Variants in FAT2 observed in about 807,000 individuals in gnomAD.
The protein encoded by FAT2 is protocadherin Fat 2.
Under a neutral mutation model 295.3 loss-of-function variants are expected in FAT2, and 150 were observed. The ratio of observed to expected loss-of-function variants is 0.51; its 90% CI spans 0.44 to 0.58. The LOEUF (loss-of-function observed/expected upper bound fraction) is 0.58, where lower values mean the gene tolerates loss of function less well. Ranked by LOEUF, FAT2 falls within the 20% of genes least tolerant of loss-of-function variation. The pLI, the probability that FAT2 is intolerant of heterozygous loss-of-function variation, is 0.00. For synonymous variants in FAT2, 2,026 were observed against 2,150.3 expected, an observed-to-expected ratio of 0.94 and a Z score of 1.60; for missense variants, 4,868 against 5,442.7, an observed-to-expected ratio of 0.89 and a Z score of 3.32.
At chr5:151,580,115 A>C (rs1758887455) in intron 1 of FAT2, among the ~76,000 whole-genome samples, 1 of 152,226 alleles carries the variant, frequency 6.6e-6, no homozygotes, top group African/African-American at 2.4e-5. Flanking sequence ...TTGGTGGCAG[A>C]ATTGGAACCA....
chr5:151,538,938 G>A (rs1040439379), intron 11 of FAT2, among the ~76,000 whole-genome samples: 11 of 151,790 alleles, frequency 7.2e-5, no homozygotes, highest in Middle Eastern at 3.4e-3. Context: ...CGCCTGCCTC[G>A]GCCTCCCAAA....
At position 151,568,653 on chromosome 5, in the gene FAT2, G is replaced by A; in HGVS notation, c.279C>T (p.Cys93=). Reference sequence around the variant, plus strand: ...TGCTCTTTGTCCTTATTCTTAGGAAGCAGAAGTTGCCCACCACATACTCCT... The same window carrying A: ...TGCTCTTTGTCCTTATTCTTAGGAAACAGAAGTTGCCCACCACATACTCCT... ...KTEEYVVGNF[C]FLRIRTKSSN... is the part of the protein sequence containing the mutation. Residue 93 remains cysteine (C), a synonymous_variant, in exon 2 of 24, where the codon TGC becomes TGT. Coordinates refer to ENST00000261800, the MANE Select transcript of FAT2 (RefSeq NM_001447.3). The A allele has an allele frequency of 6.2e-7, 1 of 1,614,162 alleles. No individual in the cohort carries two copies. Among genetic ancestry groups the A allele is most frequent in the African/African-American group, 1.3e-5 (1 of 75,038 alleles).
intron 1 of FAT2, among the ~76,000 whole-genome samples, chr5:151,583,955 A>T (rs1347157173): frequency 7.7e-6 from 1 of 129,610 alleles, no homozygotes; most frequent in Non-Finnish European, 1.6e-5. Context: ...CTGAGATTGC[A>T]CCACTGCACT....
upstream of FAT2, among the ~76,000 whole-genome samples, chr5:151,591,680 C>T (rs1759417439): frequency 6.6e-6 from 1 of 152,188 alleles, no homozygotes; most frequent in African/African-American, 2.4e-5. Flanking sequence ...CTGAGACTGA[C>T]AACCACAGCA....
At chr5:151,565,647 A>ACGC in intron 2 of FAT2, 26 bp downstream of exon 2, 59 of 1,461,008 alleles carry the variant, frequency 4.0e-5, no homozygotes, top group Non-Finnish European at 5.0e-5. Context: ...TGGCCCTGGC[A>ACGC]CCCCACCCTA....
chr5:151,535,626 G>C (rs1361747154), intron 12 of FAT2, among the ~76,000 whole-genome samples: 3 of 152,132 alleles, frequency 2.0e-5, no homozygotes, highest in Admixed American at 2.0e-4. Flanking sequence ...TCTGAGTTCT[G>C]TGAGCTGTCC....
chr5:151,578,704 TGGA>T, intron 1 of FAT2, among the ~76,000 whole-genome samples: 1 of 152,196 alleles, frequency 6.6e-6, no homozygotes, highest in East Asian at 1.9e-4. Context: ...AGCCAAGATA[TGGA>T]ATTACCGTAA....
chr5:151,572,933 A>G (rs1292565734), intron 1 of FAT2, among the ~76,000 whole-genome samples: 2 of 152,264 alleles, frequency 1.3e-5, no homozygotes, highest in Non-Finnish European at 2.9e-5. Context: ...CCTCAGGCCC[A>G]GAAAGAGACC....
intron 12 of FAT2, among the ~76,000 whole-genome samples, chr5:151,535,526 A>G (rs1375676958): frequency 6.6e-6 from 1 of 151,886 alleles, no homozygotes; most frequent in Non-Finnish European, 1.5e-5. Flanking sequence ...AGGACATGGG[A>G]GCCCCTTTCC....
At chr5:151,518,385 G>C (rs1057168597) in intron 19 of FAT2, among the ~76,000 whole-genome samples, 1 of 68,176 alleles carries the variant, frequency 1.5e-5, no homozygotes, top group Non-Finnish European at 3.0e-5. Context: ...ATTTTTAAAA[G>C]AAAGTAAAAA....
At chr5:151,532,059 G>A (rs2127592277) in intron 13 of FAT2, 89 bp from the exon 14 acceptor site, 1 of 1,515,836 alleles carries the variant, frequency 6.6e-7, no homozygotes, top group Non-Finnish European at 8.9e-7. Context: ...GGAGGGGCTG[G>A]GGAGGGGCTC....
chr5:151,593,675 C>A (rs547537624), upstream of FAT2, among the ~76,000 whole-genome samples: 1 of 152,248 alleles, frequency 6.6e-6, no homozygotes, highest in African/African-American at 2.4e-5. Context: ...GTGAGCACAT[C>A]CTGACCAAGC....
At position 151,566,280 on chromosome 5, in the gene FAT2, T is replaced by A; in HGVS notation, c.2652A>T (p.Glu884Asp). The A allele has an allele frequency of 6.2e-7, 1 of 1,614,154 alleles. No individual in the cohort carries two copies. The highest frequency in any genetic ancestry group is 1.3e-5 in the African/African-American group (1 of 75,044). ...CCTTGAGTATGTACCGAGGCTCTGA[T>A]TCGCGGTCCAGGTGTCCTGTAACAA... Reference protein sequence around the residue: ...ELVVTGHLDRESEPRYILKVE... With the variant: ...ELVVTGHLDRDSEPRYILKVE... Residue 884 changes from glutamate to aspartate, a missense_variant, in exon 2 of 24, where the codon GAA becomes GAT. By Grantham distance (45) the Glu-to-Asp change is conservative. Transcript: ENST00000261800.
chr5:151,521,309 G>T lies in FAT2; in HGVS notation c.11284C>A (p.Arg3762=). Residue 3762 remains arginine (R), a synonymous_variant, in exon 19 of 24, where the codon CGG becomes AGG. Coordinates refer to ENST00000261800, the MANE Select transcript of FAT2 (RefSeq NM_001447.3). ...GAGCAGCTCCTCTGCAGGTGGTGCC[G>T]CGGGGTTAGGATGCTGAGCCTGGCG... ...STARLSILTP[R]HHLQRSCSCN... 6.2e-7 allele frequency: 1 copy of T among 1,611,920 alleles called. No homozygotes were observed. The highest frequency in any genetic ancestry group is 8.5e-7 in the Non-Finnish European group (1 of 1,178,298).
At position 151,531,595 on chromosome 5, in the gene FAT2, G is replaced by A. The variant is rs2127591008; in HGVS notation, c.9803C>T (p.Ala3268Val). 3 of 1,612,474 alleles carry A rather than the reference G, an allele frequency of 1.9e-6. No individual in the cohort carries two copies. The highest frequency in any genetic ancestry group is 2.5e-6 in the Non-Finnish European group (3 of 1,179,938). ...GNEQGRFRLD[A>V]RTGILYVNAS... ...GTGGATCAGGCTCTCACCTGTGCGAGCATCCAGGCGGAACCTGCCTTGCTC... is the reference window on the plus strand; with the variant it reads ...GTGGATCAGGCTCTCACCTGTGCGAACATCCAGGCGGAACCTGCCTTGCTC... The change falls in exon 14 of 24, where the codon GCT becomes GTT. Residue 3268 changes from alanine (A) to valine (V), a missense_variant. Ala to Val is a moderately conservative substitution (Grantham distance 64). Around this residue, in one of 5 missense-constraint regions of FAT2, gnomAD observed 1,046 missense variants for 1,210.1 expected, o/e 0.86. Transcript: ENST00000261800. The surrounding 1 kb of genome is among the most constrained non-coding windows in gnomAD (Gnocchi z 5.7).
intron 22 of FAT2, among the ~76,000 whole-genome samples, chr5:151,508,538 C>T (rs768745675): frequency 1.3e-5 from 2 of 152,000 alleles, no homozygotes; most frequent in South Asian, 4.2e-4. Flanking sequence ...GGTGAAACCC[C>T]GTATCTACTA....
intron 13 of FAT2, among the ~76,000 whole-genome samples, chr5:151,532,553 T>C (rs1754767856): frequency 6.6e-6 from 1 of 152,228 alleles, no homozygotes; most frequent in South Asian, 2.1e-4. Context: ...TTAGGGAAGC[T>C]GCATGAAGAG....
intron 9 of FAT2, among the ~76,000 whole-genome samples, chr5:151,547,829 G>A (rs1756792058): frequency 1.3e-5 from 2 of 152,182 alleles, no homozygotes; most frequent in South Asian, 4.1e-4. Context: ...ATGCATAGGG[G>A]AAGATAAGAG....
rs751739380 is a variant in FAT2 at position 151,544,304 on chromosome 5, A to G, written c.6823T>C (p.Leu2275=). Residue 2275 remains leucine, a synonymous_variant, in exon 10 of 24, where the codon TTG becomes CTG. Transcript: ENST00000261800. The part of the protein sequence containing the change: ...VNDNPPTFSQ[L]VYTTSISEGL... Reference sequence around the variant, plus strand: ...TCTGAGATGGAAGTGGTATAGACCAATTGGGAAAAAGTGGGAGGGTTATCA... The same window carrying G: ...TCTGAGATGGAAGTGGTATAGACCAGTTGGGAAAAAGTGGGAGGGTTATCA... 1.2e-6 allele frequency: 2 copies of G among 1,614,204 alleles called. No individual in the cohort carries two copies. The highest frequency in any genetic ancestry group is 1.1e-5 in the South Asian group (1 of 91,082).
Sources: allele counts gnomAD v4.1 joint callset (sites outside exome capture counted in the v4.1 genomes callset), GRCh38; gene constraint gnomAD v4.1.1; regional missense constraint gnomAD v4.1.1; non-coding constraint Gnocchi (gnomAD v3.1); transcripts MANE v1.5; gene names NCBI Gene and HGNC (gene_info 2026-07-23, HGNC 2026-07-21).